The following TYR variants were observed in gnomAD, a reference collection of about 807,000 sequenced individuals.
TYR encodes tyrosinase.
A neutral mutation model predicts 51.5 loss-of-function variants in TYR; 58 were observed. That is an observed-to-expected ratio of 1.13 (90% CI 0.91 to 1.40). The LOEUF (loss-of-function observed/expected upper bound fraction) is 1.40. TYR is among the 40% of genes most tolerant of loss of function. The probability of loss-of-function intolerance (pLI) is 0.00; values close to 1 mark genes in which losing one functional copy is unlikely to be tolerated. For synonymous variants in TYR, 263 were observed against 235.2 expected, an observed-to-expected ratio of 1.12 and a Z score of -1.08; for missense variants, 732 against 647.4, an observed-to-expected ratio of 1.13 and a Z score of -1.42.
rs546647044 is a variant in TYR, at chr11:89,190,303, C to A, written c.820-899C>A. On this transcript the variant is annotated intron_variant, in intron 1 of 4. Coordinates refer to ENST00000263321, the MANE Select transcript of TYR (RefSeq NM_000372.5). ...GATGATAGCTCCATGTGTACTATTG[C>A]CCCTGAAGATTTTCCAGTGGGACAA... Among the ~76,000 whole-genome samples, 7 of 152,168 alleles carry A rather than the reference C, an allele frequency of 4.6e-5. No individual in the cohort carries two copies. In the East Asian group the frequency reaches 1.4e-3, roughly 29 times the overall value.
At chr11:89,180,227 T>C (rs897729968) in intron 1 of TYR, among the ~76,000 whole-genome samples, 2 of 152,230 alleles carry the variant, frequency 1.3e-5, no homozygotes, top group Non-Finnish European at 2.9e-5. Context: ...CAAACTCTCA[T>C]CTAGCTCTTA....
intron 2 of TYR, among the ~76,000 whole-genome samples, chr11:89,226,440 T>C (rs555783311): frequency 6.6e-6 from 1 of 152,228 alleles, no homozygotes; most frequent in Middle Eastern, 3.4e-3. Context: ...TTCACAGAAG[T>C]TGTCATAGAC....
chr11:89,203,144 A>G (rs973668991), intron 2 of TYR, among the ~76,000 whole-genome samples: 3 of 152,244 alleles, frequency 2.0e-5, no homozygotes, highest in African/African-American at 7.2e-5. Context: ...GATACCTTGT[A>G]CATTTTCAAA....
chr11:89,225,600 C>T (rs892790144), intron 2 of TYR, among the ~76,000 whole-genome samples: 35 of 151,786 alleles, frequency 2.3e-4, no homozygotes, highest in African/African-American at 8.0e-4. Context: ...CAGAAAGTTA[C>T]AGACTATCAA....
At chr11:89,275,853 G>C (rs1944647659) in intron 3 of TYR, among the ~76,000 whole-genome samples, 1 of 151,896 alleles carries the variant, frequency 6.6e-6, no homozygotes, top group South Asian at 2.1e-4. Context: ...CACAAGAATA[G>C]ACTATAGTCT....
intron 3 of TYR, among the ~76,000 whole-genome samples, chr11:89,262,846 C>CTAAAAAAAA (rs1186728580): frequency 2.9e-5 from 1 of 34,216 alleles, no homozygotes; most frequent in Non-Finnish European, 4.5e-5. Flanking sequence ...AGCTACTCAT[C>CTAAAAAAAA]CAAAAAAAAA....
chr11:89,275,726 TA>T, intron 3 of TYR, among the ~76,000 whole-genome samples: 2 of 151,834 alleles, frequency 1.3e-5, no homozygotes, highest in East Asian at 3.9e-4. Context: ...AAAATAACGT[TA>T]AAAAAATGGA....
chr11:89,251,508 G>T (rs530741540), intron 3 of TYR, among the ~76,000 whole-genome samples: 3 of 151,932 alleles, frequency 2.0e-5, no homozygotes, highest in South Asian at 4.1e-4. Context: ...ATAAGGATAA[G>T]AATCTGTTGA....
At chr11:89,220,592 C>T (rs183819414) in intron 2 of TYR, among the ~76,000 whole-genome samples, 229 of 152,172 alleles carry the variant, frequency 1.5e-3, no homozygotes, top group Non-Finnish European at 2.1e-3. Context: ...ATCTTCTTTA[C>T]AGAGTTACTA....
At chr11:89,293,411 A>C (rs1944870845) in intron 4 of TYR, among the ~76,000 whole-genome samples, 1 of 152,030 alleles carries the variant, frequency 6.6e-6, no homozygotes, top group Non-Finnish European at 1.5e-5. Context: ...GTTCTGATTG[A>C]GTAATGACTA....
chr11:89,179,055 T>G (rs946499157), intron 1 of TYR, among the ~76,000 whole-genome samples: 3 of 152,210 alleles, frequency 2.0e-5, no homozygotes, highest in African/African-American at 7.2e-5. Flanking sequence ...ATGGTGCCTT[T>G]AAAAATGGCA....
At chr11:89,220,770 TCAAAA>T (rs538393479) in intron 2 of TYR, among the ~76,000 whole-genome samples, 19 of 151,310 alleles carry the variant, frequency 1.3e-4, no homozygotes, top group South Asian at 8.3e-4. Context: ...AAAACAAAAC[TCAAAA>T]CAAAACAAAA....
intron 3 of TYR, among the ~76,000 whole-genome samples, chr11:89,253,781 T>A (rs186354162): frequency 9.4e-4 from 143 of 151,918 alleles, no homozygotes; most frequent in South Asian, 2.3e-3. Flanking sequence ...ACAGCAACAG[T>A]TTGACTTCCT....
chr11:89,284,782 G>A lies in TYR; in HGVS notation c.1194G>A (p.Glu398=). The A allele has an allele frequency of 6.2e-7, 1 of 1,611,528 alleles. No homozygotes were observed. The highest frequency in any genetic ancestry group is 1.1e-5 in the South Asian group (1 of 91,036). ...ACCTTTTCCTCTGCAGTATTTTTGA[G>A]CAGTGGCTCCGAAGGCACCGTCCTC... is the stretch of plus-strand genomic sequence containing the variant. ...LHHAFVDSIF[E]QWLRRHRPLQ... Residue 398 remains glutamate (E), a synonymous_variant, in exon 4 of 5, where the codon GAG becomes GAA. Coordinates refer to ENST00000263321, the MANE Select transcript of TYR (RefSeq NM_000372.5).
chr11:89,233,630 C>T (rs1074304), intron 3 of TYR, among the ~76,000 whole-genome samples: 54,166 of 140,764 alleles, frequency 0.38, 15,829 homozygotes, highest in African/African-American at 0.64. Context: ...AACATAGATA[C>T]GTGTTAGCAG....
At chr11:89,221,546 C>T (rs1012198721) in intron 2 of TYR, among the ~76,000 whole-genome samples, 2 of 152,270 alleles carry the variant, frequency 1.3e-5, no homozygotes, top group African/African-American at 4.8e-5. Flanking sequence ...TGTATTTCTT[C>T]TGTAAGTAGT....
intron 3 of TYR, among the ~76,000 whole-genome samples, chr11:89,278,660 C>T (rs1334041161): frequency 1.3e-5 from 2 of 151,600 alleles, no homozygotes; most frequent in Non-Finnish European, 3.0e-5. Context: ...AGAGTTCCTA[C>T]ATTTTCCATA....
intron 3 of TYR, among the ~76,000 whole-genome samples, chr11:89,256,374 A>T (rs1944391379): frequency 1.3e-5 from 2 of 151,838 alleles, no homozygotes; most frequent in South Asian, 4.1e-4. Flanking sequence ...TATTAAAAAA[A>T]ATCACATTAA....
intron 1 of TYR, among the ~76,000 whole-genome samples, chr11:89,184,624 G>A (rs1264590011): frequency 6.6e-6 from 1 of 151,960 alleles, no homozygotes; most frequent in East Asian, 1.9e-4. Flanking sequence ...AACGTTATGA[G>A]GTATAAGGCA....
Sources: allele counts gnomAD v4.1 joint callset (sites outside exome capture counted in the v4.1 genomes callset), GRCh38; gene constraint gnomAD v4.1.1; transcripts MANE v1.5; gene names NCBI Gene and HGNC (gene_info 2026-07-23, HGNC 2026-07-21).